AGBL1: variants seen among roughly 807,000 people sequenced by gnomAD.
The protein encoded by AGBL1 is AGBL carboxypeptidase 1, also known as cytosolic carboxypeptidase 4.
In AGBL1, 130 loss-of-function variants were observed where a neutral mutation model predicts 118.9. That is an observed-to-expected ratio of 1.09 (90% confidence interval 0.95 to 1.26). The LOEUF (loss-of-function observed/expected upper bound fraction) is 1.26, where lower values mean the gene tolerates loss of function less well. Ranked by LOEUF, AGBL1 falls within the 50% of genes most tolerant of loss-of-function variation. The pLI is 0.00. For missense variants in AGBL1, 1,584 were observed against 1,298.1 expected (o/e 1.22, Z -3.38); for synonymous variants, 555 against 478.9 (o/e 1.16, Z -2.08).
chr15:86,827,236 T>C (rs2079023653), intron 22 of AGBL1, among the ~76,000 whole-genome samples: 1 of 142,152 alleles, frequency 7.0e-6, no homozygotes, highest in Admixed American at 7.3e-5. Context: ...GAAAGCCAGC[T>C]ATTAAATAGG....
At chr15:86,081,342 T>C (rs1895269270) in intron 1 of AGBL1, among the ~76,000 whole-genome samples, 1 of 152,130 alleles carries the variant, frequency 6.6e-6, no homozygotes, top group Non-Finnish European at 1.5e-5. Context: ...TACCTGGCCA[T>C]TTTTCTCTGA....
At chr15:86,265,833 G>A (rs1381714169) in intron 11 of AGBL1, among the ~76,000 whole-genome samples, 1 of 152,190 alleles carries the variant, frequency 6.6e-6, no homozygotes, top group Non-Finnish European at 1.5e-5. Context: ...TAATCTGAAA[G>A]ACCTTCTAAG....
At chr15:86,197,182 A>G (rs529720235) in intron 5 of AGBL1, among the ~76,000 whole-genome samples, 24 of 152,274 alleles carry the variant, frequency 1.6e-4, no homozygotes, top group African/African-American at 5.8e-4. Flanking sequence ...TAATGGGTGG[A>G]GGCTGGAGGA....
intron 18 of AGBL1, among the ~76,000 whole-genome samples, chr15:86,413,123 G>C (rs1458955236): frequency 6.6e-6 from 1 of 152,038 alleles, no homozygotes; most frequent in Non-Finnish European, 1.5e-5. Context: ...TGTAATGTTA[G>C]AGGTGAAAGA....
chr15:86,637,407 T>C (rs1211235020), intron 21 of AGBL1, among the ~76,000 whole-genome samples: 1 of 152,026 alleles, frequency 6.6e-6, no homozygotes, highest in Non-Finnish European at 1.5e-5. Flanking sequence ...AGGAAGAAGA[T>C]AGCTTGATGA....
intron 18 of AGBL1, among the ~76,000 whole-genome samples, chr15:86,491,896 G>T (rs115380273): frequency 7.4e-4 from 112 of 151,978 alleles, no homozygotes; most frequent in African/African-American, 2.7e-3. Flanking sequence ...GAAAGAATGG[G>T]AGTACAGAAA....
At chr15:86,139,279 T>C (rs1241341479) in intron 1 of AGBL1, among the ~76,000 whole-genome samples, 1 of 151,380 alleles carries the variant, frequency 6.6e-6, no homozygotes, top group Non-Finnish European at 1.5e-5. Context: ...CCACACTGTC[T>C]CTGAGTTCAG....
At chr15:86,093,846 A>G (rs1372687662) in intron 1 of AGBL1, among the ~76,000 whole-genome samples, 2 of 152,160 alleles carry the variant, frequency 1.3e-5, no homozygotes, top group African/African-American at 4.8e-5. Context: ...CAGCAACAAT[A>G]TTTAAAGAGA....
At chr15:86,250,173 A>T (rs1388358544) in intron 7 of AGBL1, among the ~76,000 whole-genome samples, 2 of 151,984 alleles carry the variant, frequency 1.3e-5, no homozygotes, top group Non-Finnish European at 2.9e-5. Flanking sequence ...ATGGGTGTCA[A>T]CCTCAAGAGG....
At chr15:86,330,051 T>A (rs1483795102) in intron 17 of AGBL1, among the ~76,000 whole-genome samples, 2 of 152,234 alleles carry the variant, frequency 1.3e-5, no homozygotes, top group African/African-American at 4.8e-5. Flanking sequence ...GGATTCTCCC[T>A]CTGCACTGAT....
At position 86,592,080 on chromosome 15, in the gene AGBL1, G is replaced by A. The variant is rs148296615; in HGVS notation, c.2994+37543G>A. Among the ~76,000 whole-genome samples the A allele has an allele frequency of 1.2e-4, 18 of 152,298 alleles. No individual in the cohort carries two copies. In the East Asian group the frequency reaches 2.5e-3, roughly 21 times the overall value. ...TGCATCATATCAGGAGGTACATAGTGTTGGTCATCCCAATATTGGTGATGT... is the reference window on the plus strand; with the variant it reads ...TGCATCATATCAGGAGGTACATAGTATTGGTCATCCCAATATTGGTGATGT... On this transcript the variant is annotated intron_variant, in intron 21 of 22. Coordinates refer to ENST00000614907, the MANE Select transcript of AGBL1 (RefSeq NM_001386094.1).
At chr15:86,234,502 G>T (rs993295226) in intron 6 of AGBL1, among the ~76,000 whole-genome samples, 1 of 135,040 alleles carries the variant, frequency 7.4e-6, no homozygotes, top group Non-Finnish European at 1.5e-5. Flanking sequence ...AGTGAGCGAA[G>T]ATCACACCAC....
At chr15:86,555,599 TA>T (rs1330164503) in intron 21 of AGBL1, among the ~76,000 whole-genome samples, 1 of 152,176 alleles carries the variant, frequency 6.6e-6, no homozygotes, top group African/African-American at 2.4e-5. Context: ...AATAAATTCT[TA>T]GACTGAATTA....
rs989325926 is a variant in AGBL1 at position 86,909,477 on chromosome 15, G to A, written c.*2183G>A. ...CATCTGTGTTGTGATTTTGGGAGTT[G>A]ATAACATTATTAATAGTCTCTTATT... On this transcript the variant is annotated 3_prime_UTR_variant, in exon 23 of 23. Coordinates refer to ENST00000614907, the MANE Select transcript of AGBL1 (RefSeq NM_001386094.1). 3.3e-5 allele frequency: 5 copies of A among 152,278 alleles called. No homozygotes were observed. Among genetic ancestry groups the A allele is most frequent in the African/African-American group, 7.2e-5 (3 of 41,568 alleles). The allele number at this position is 152,278 out of a possible 1,614,324, so 9.4% of individuals were successfully genotyped here.
chr15:86,624,247 A>G (rs2084851796), intron 21 of AGBL1, among the ~76,000 whole-genome samples: 1 of 152,238 alleles, frequency 6.6e-6, no homozygotes, highest in African/African-American at 2.4e-5. Context: ...TTGGGAAGTC[A>G]CAATCAAGAG....
intron 22 of AGBL1, among the ~76,000 whole-genome samples, chr15:86,782,807 A>G (rs2078353384): frequency 6.6e-6 from 1 of 152,224 alleles, no homozygotes; most frequent in African/African-American, 2.4e-5. Context: ...TAAAGCAAAT[A>G]CTTTATTCTT....
At chr15:86,113,376 C>T (rs1295520799) in intron 1 of AGBL1, among the ~76,000 whole-genome samples, 2 of 150,306 alleles carry the variant, frequency 1.3e-5, no homozygotes, top group Non-Finnish European at 3.0e-5. Context: ...CAACCTCTGC[C>T]TCCTGGGTTC....
At chr15:86,719,073 T>G (rs758560537) in intron 22 of AGBL1, among the ~76,000 whole-genome samples, 16 of 152,242 alleles carry the variant, frequency 1.1e-4, no homozygotes, top group Non-Finnish European at 1.8e-4. Flanking sequence ...TTCATGGGAA[T>G]GGCTCTCTGG....
chr15:86,676,124 C>A (rs1288023588), intron 22 of AGBL1, among the ~76,000 whole-genome samples: 6 of 152,166 alleles, frequency 3.9e-5, no homozygotes, highest in Admixed American at 3.9e-4. Flanking sequence ...GACCTCTGAC[C>A]TTTCCTAGGC....
Sources: allele counts gnomAD v4.1 joint callset (sites outside exome capture counted in the v4.1 genomes callset), GRCh38; gene constraint gnomAD v4.1.1; transcripts MANE v1.5; gene names NCBI Gene and HGNC (gene_info 2026-07-23, HGNC 2026-07-21).